The following CCDC150 variants were observed in gnomAD, a reference collection of about 807,000 sequenced individuals.
CCDC150 encodes the protein coiled-coil domain containing 150.
A neutral mutation model predicts 156.5 loss-of-function variants in CCDC150; 151 were observed. That is an observed-to-expected ratio of 0.97 (90% CI 0.85 to 1.10). The LOEUF (loss-of-function observed/expected upper bound fraction) is 1.10, where lower values mean the gene tolerates loss of function less well. Among genes scored for constraint, CCDC150 ranks in the 50% least tolerant of loss-of-function variants. CCDC150 has a pLI of 0.00. For missense variants in CCDC150, 1,312 were observed against 1,268.1 expected (o/e 1.03, Z -0.53); for synonymous variants, 452 against 429.4 (o/e 1.05, Z -0.65).
chr2:196,666,091 C>T (rs956554633), intron 6 of CCDC150, among the ~76,000 whole-genome samples: 9 of 152,054 alleles, frequency 5.9e-5, no homozygotes, highest in East Asian at 1.9e-4. Flanking sequence ...AAGTCTAAAG[C>T]GATCTAACAC....
At chr2:196,705,824 C>T (rs1696586425) in intron 15 of CCDC150, among the ~76,000 whole-genome samples, 1 of 152,184 alleles carries the variant, frequency 6.6e-6, no homozygotes, top group Admixed American at 6.5e-5. Flanking sequence ...TTCCCCATTT[C>T]TTGTTTTTGT....
intron 17 of CCDC150, chr2:196,713,643 TAATA>T: frequency 7.0e-7 from 1 of 1,432,900 alleles, no homozygotes; most frequent in Non-Finnish European, 9.2e-7. Flanking sequence ...TCAAGACCTT[TAATA>T]AATGATGAAT....
intron 13 of CCDC150, among the ~76,000 whole-genome samples, chr2:196,685,241 A>T (rs1695054800): frequency 6.6e-6 from 1 of 152,216 alleles, no homozygotes; most frequent in Admixed American, 6.5e-5. Flanking sequence ...TACAAACAAA[A>T]ATATATACTA....
At position 196,658,858 on chromosome 2, in the gene CCDC150, G is replaced by T. The variant is rs768514213; in HGVS notation, c.643G>T (p.Glu215Ter). 1 of 1,597,236 alleles carries T rather than the reference G, an allele frequency of 6.3e-7. No homozygotes were observed. Among genetic ancestry groups the T allele is most frequent in the Non-Finnish European group, 8.5e-7 (1 of 1,169,882 alleles). Residue 215 changes from glutamate to a stop codon, truncating the protein, a stop_gained and splice_region_variant, in exon 5 of 28, where the codon GAG (glutamate) becomes TAG (stop). Coordinates refer to ENST00000389175, the MANE Select transcript of CCDC150 (RefSeq NM_001080539.2). LOFTEE classifies it high-confidence loss of function. The part of the protein sequence containing the change: ...TKRKMNLKIQ[E>*]LRRQLAQEKY... ...ACGTAAAATGAACCTTAAAATTCAA[G>T]AGGTAAGACAAAAAGATGGAGGGTG...
At chr2:196,693,286 G>A (rs1317382251) in intron 13 of CCDC150, among the ~76,000 whole-genome samples, 2 of 151,984 alleles carry the variant, frequency 1.3e-5, no homozygotes, top group East Asian at 1.9e-4. Context: ...AACACATGTC[G>A]GTAAATGAAC....
chr2:196,656,303 A>G (rs1476043256), intron 2 of CCDC150, among the ~76,000 whole-genome samples: 1 of 152,180 alleles, frequency 6.6e-6, no homozygotes, highest in Non-Finnish European at 1.5e-5. Context: ...TGGATGGCAC[A>G]GTGCCTGGGG....
At chr2:196,714,937 C>T (rs1697401549) in intron 17 of CCDC150, among the ~76,000 whole-genome samples, 1 of 152,068 alleles carries the variant, frequency 6.6e-6, no homozygotes, top group South Asian at 2.1e-4. Context: ...TTCTGGGATC[C>T]TTTTCTGTAG....
At chr2:196,708,622 C>T (rs1696860286) in intron 15 of CCDC150, among the ~76,000 whole-genome samples, 1 of 152,152 alleles carries the variant, frequency 6.6e-6, no homozygotes, top group Non-Finnish European at 1.5e-5. Context: ...TGCAATTTGG[C>T]ATGTTTTTGC....
chr2:196,711,990 TTGCAAGTTTTAAAGATTCTCTG>T (rs1697150794), intron 15 of CCDC150, among the ~76,000 whole-genome samples, 133 bp from the exon 16 acceptor site: 1 of 151,974 alleles, frequency 6.6e-6, no homozygotes, highest in African/African-American at 2.4e-5. Flanking sequence ...GGATTGCTTT[TTGCAAGTTTTAAAGATTCTCTG>T]TAATTTTTTT....
At chr2:196,676,986 G>A in intron 12 of CCDC150, 2 of 654,998 alleles carry the variant, frequency 3.1e-6, no homozygotes, top group South Asian at 3.1e-5. Context: ...TTAGTTAAGG[G>A]GTCAGATTTT....
chr2:196,700,884 T>C (rs1305046254), intron 14 of CCDC150, among the ~76,000 whole-genome samples: 5 of 152,180 alleles, frequency 3.3e-5, no homozygotes, highest in Non-Finnish European at 5.9e-5. Context: ...CAACAAACTC[T>C]GGTACTCTTA....
In CCDC150 at chr2:196,688,047, G is replaced by T. The variant is rs145248661; in HGVS notation, c.1510-6999G>T. Among the ~76,000 whole-genome samples the T allele has an allele frequency of 5.7e-3, 861 of 152,232 alleles. 6 individuals are homozygous for T. Among genetic ancestry groups the T allele is most frequent in the African/African-American group, 0.019 (789 of 41,550 alleles). On this transcript the variant is annotated intron_variant, in intron 13 of 27. Transcript: ENST00000389175. The stretch of plus-strand genomic sequence containing the variant: ...GAAGTTGAGTAGCATGGTACCTCCA[G>T]CTTTGTTCTTTTTGCTTAGGATTTT...
At chr2:196,688,192 G>A (rs1695227426) in intron 13 of CCDC150, among the ~76,000 whole-genome samples, 1 of 152,090 alleles carries the variant, frequency 6.6e-6, no homozygotes, top group Non-Finnish European at 1.5e-5. Context: ...ATTGCTTTGG[G>A]CAGTATGGCC....
Position 196,676,012 on chromosome 2 carries a change from A to G in CCDC150, c.1138-131A>G, listed in dbSNP as rs895715717. The G allele has an allele frequency of 1.4e-5, 11 of 769,156 alleles. No homozygotes were observed. The Admixed American group carries it at 1.4e-4, about 10-fold the overall frequency. 47.6% of individuals were successfully genotyped at this position (769,156 alleles called of 1,614,324 possible). On this transcript the variant is annotated intron_variant, in intron 10 of 27. Coordinates refer to ENST00000389175, the MANE Select transcript of CCDC150 (RefSeq NM_001080539.2). ...GGCATTGAAATAAATTGTTTTAAAAAGAGGTTTTATTTATGTAAATGAAAC... is the reference window on the plus strand; with the variant it reads ...GGCATTGAAATAAATTGTTTTAAAAGGAGGTTTTATTTATGTAAATGAAAC...
At chr2:196,681,794 T>C (rs1694838070) in intron 13 of CCDC150, among the ~76,000 whole-genome samples, 1 of 152,138 alleles carries the variant, frequency 6.6e-6, no homozygotes, top group Admixed American at 6.5e-5. Context: ...AGATCCTTTG[T>C]CTATTTTTAA....
chr2:196,683,591 C>A (rs1366546488), intron 13 of CCDC150, among the ~76,000 whole-genome samples: 1 of 151,988 alleles, frequency 6.6e-6, no homozygotes, highest in African/African-American at 2.4e-5. Context: ...GGGGTTAATT[C>A]TTCTTTAAAT....
intron 7 of CCDC150, among the ~76,000 whole-genome samples, chr2:196,668,700 A>G (rs1694007913): frequency 6.6e-6 from 1 of 152,250 alleles, no homozygotes; most frequent in Non-Finnish European, 1.5e-5. Context: ...GTAATTGTTT[A>G]TCAACAATAA....
chr2:196,640,223 GAC>G (rs1422686102), intron 1 of CCDC150, among the ~76,000 whole-genome samples: 2 of 152,174 alleles, frequency 1.3e-5, no homozygotes, highest in African/African-American at 4.8e-5. Context: ...GAACGGAATA[GAC>G]ATTCGTTAAA....
At chr2:196,731,890 T>G (rs1698540083) in intron 26 of CCDC150, 143 bp from the exon 27 acceptor site, 2 of 659,406 alleles carry the variant, frequency 3.0e-6, no homozygotes, top group Non-Finnish European at 5.2e-6. Flanking sequence ...GGATGTTAAG[T>G]ATATTATGCA....
Sources: gnomAD v4.1 joint callset for allele counts (sites outside exome capture counted in the v4.1 genomes callset) on GRCh38, gnomAD v4.1.1 for gene constraint, MANE v1.5 for transcripts, NCBI Gene and HGNC (gene_info 2026-07-23, HGNC 2026-07-21) for gene names.